CNTN4: variants seen among roughly 807,000 people sequenced by gnomAD.
CNTN4 encodes the protein contactin 4, also known as contactin-4.
In CNTN4, 77 loss-of-function variants were observed where a neutral mutation model predicts 122.5. The observed-to-expected ratio is 0.63, with a 90% CI of 0.52 to 0.76. CNTN4 has a LOEUF of 0.76. Among genes scored for constraint, CNTN4 ranks in the 30% least tolerant of loss-of-function variants. CNTN4 has a pLI of 0.00. For synonymous variants in CNTN4, 512 were observed against 447.0 expected, an observed-to-expected ratio of 1.15 and a Z score of -1.83; for missense variants, 1,256 against 1,259.1, an observed-to-expected ratio of 1.00 and a Z score of 0.04.
chr3:2,236,359 C>A (rs1233442020), intron 2 of CNTN4, among the ~76,000 whole-genome samples: 1 of 152,190 alleles, frequency 6.6e-6, no homozygotes, highest in Admixed American at 6.5e-5. Context: ...CCATTAGGTG[C>A]TCATTTAATG....
At position 2,564,578 on chromosome 3, in the gene CNTN4, A is replaced by G. The variant is rs185087529; in HGVS notation, c.-88-6838A>G. Reference sequence around the variant, plus strand: ...AAAGTTTCAAGAATCCTTAAAAACAATCTGGCCCAGTCCCGTCTTCTATTC... The same window carrying G: ...AAAGTTTCAAGAATCCTTAAAAACAGTCTGGCCCAGTCCCGTCTTCTATTC... On this transcript the variant is annotated intron_variant, in intron 3 of 24. Transcript: ENST00000418658. Among the ~76,000 whole-genome samples the G allele has an allele frequency of 8.5e-4, 130 of 152,288 alleles. 2 individuals carry two copies. Among genetic ancestry groups the G allele is most frequent in the African/African-American group, 2.6e-3 (110 of 41,584 alleles).
intron 12 of CNTN4, among the ~76,000 whole-genome samples, chr3:2,916,282 G>A (rs1225871076): frequency 6.6e-6 from 1 of 151,358 alleles, no homozygotes; most frequent in Non-Finnish European, 1.5e-5. Context: ...GGACAATAGT[G>A]GAGGGAAGGT....
At chr3:2,260,229 ATTGT>A (rs1010495381) in intron 2 of CNTN4, among the ~76,000 whole-genome samples, 79 of 152,074 alleles carry the variant, frequency 5.2e-4, no homozygotes, top group African/African-American at 1.6e-3. Context: ...GGGCCAGGTG[ATTGT>A]TTGTTGCAGG....
At position 2,655,477 on chromosome 3, in the gene CNTN4, G is replaced by A. The variant is rs142807086; in HGVS notation, c.56-80738G>A. 1.6e-4 allele frequency among the ~76,000 whole-genome samples: 25 copies of A among 152,146 alleles called. No individual in the cohort carries two copies. The East Asian group carries it at 4.2e-3, about 26-fold the overall frequency. On this transcript the variant is annotated intron_variant, in intron 4 of 24. Transcript: ENST00000418658. ...AAGTTGAATTAAGGGTCTTGATTTC[G>A]GTTTACTGTACTGCAGCATTATCTC...
At chr3:2,654,403 T>C (rs1215491400) in intron 4 of CNTN4, among the ~76,000 whole-genome samples, 2 of 152,230 alleles carry the variant, frequency 1.3e-5, no homozygotes, top group Admixed American at 1.3e-4. Context: ...ATACTGTTTG[T>C]AATCATGGGT....
At chr3:2,731,061 G>T (rs2088641091) in intron 4 of CNTN4, among the ~76,000 whole-genome samples, 1 of 151,060 alleles carries the variant, frequency 6.6e-6, no homozygotes, top group African/African-American at 2.4e-5. Context: ...TTACAGATGT[G>T]GTCATTTTTA....
intron 2 of CNTN4, among the ~76,000 whole-genome samples, chr3:2,139,073 G>A (rs1203952546): frequency 6.6e-6 from 1 of 152,152 alleles, no homozygotes; most frequent in African/African-American, 2.4e-5. Flanking sequence ...GGGGGAGCAT[G>A]TGGCCTTCTG....
chr3:2,807,148 T>A (rs1389837145), intron 6 of CNTN4, among the ~76,000 whole-genome samples: 3 of 152,172 alleles, frequency 2.0e-5, no homozygotes, highest in African/African-American at 7.2e-5. Flanking sequence ...AGGTACTGAA[T>A]GAATCTTCGT....
At chr3:2,952,993 G>T (rs1453781762) in intron 13 of CNTN4, among the ~76,000 whole-genome samples, 1 of 152,168 alleles carries the variant, frequency 6.6e-6, no homozygotes, top group African/African-American at 2.4e-5. Flanking sequence ...TTTTGCACTT[G>T]AAGGAACTAA....
chr3:2,752,338 A>G (rs2090135493), intron 6 of CNTN4, among the ~76,000 whole-genome samples: 2 of 152,098 alleles, frequency 1.3e-5, no homozygotes, highest in Admixed American at 1.3e-4. Context: ...TCTTCTGAAA[A>G]TTAGAGTAAA....
intron 14 of CNTN4, among the ~76,000 whole-genome samples, chr3:3,006,879 G>A (rs1296080941): frequency 6.6e-6 from 1 of 152,192 alleles, no homozygotes; most frequent in African/African-American, 2.4e-5. Flanking sequence ...AGCTCCTGGT[G>A]TTGAGTGTGT....
intron 6 of CNTN4, among the ~76,000 whole-genome samples, chr3:2,791,425 C>G (rs1483172128): frequency 2.0e-5 from 3 of 151,478 alleles, no homozygotes; most frequent in Non-Finnish European, 2.9e-5. Flanking sequence ...CCCAGCTACT[C>G]AGGAGGCTGA....
chr3:2,628,090 T>G (rs115305969), intron 4 of CNTN4, among the ~76,000 whole-genome samples: 3 of 152,330 alleles, frequency 2.0e-5, no homozygotes, highest in Admixed American at 6.5e-5. Context: ...TTTGGGCTAG[T>G]GAGTGCCTCC....
At chr3:2,419,288 A>G (rs1180289271) in intron 3 of CNTN4, among the ~76,000 whole-genome samples, 1 of 152,194 alleles carries the variant, frequency 6.6e-6, no homozygotes, top group African/African-American at 2.4e-5. Context: ...AGCTTTCTGT[A>G]TCTTAGAACA....
intron 2 of CNTN4, among the ~76,000 whole-genome samples, chr3:2,241,270 A>C (rs2039924399): frequency 6.6e-6 from 1 of 152,168 alleles, no homozygotes; most frequent in Admixed American, 6.5e-5. Flanking sequence ...TACTGTAGTA[A>C]ATTAATTTGT....
chr3:2,112,061 A>G (rs1574847915), intron 2 of CNTN4, among the ~76,000 whole-genome samples: 1 of 152,146 alleles, frequency 6.6e-6, no homozygotes, highest in Non-Finnish European at 1.5e-5. Flanking sequence ...GTTGACTATT[A>G]CTGCGAGCCA....
chr3:2,849,797 T>G (rs1054640331), intron 7 of CNTN4, among the ~76,000 whole-genome samples: 2 of 152,162 alleles, frequency 1.3e-5, no homozygotes, highest in Non-Finnish European at 2.9e-5. Flanking sequence ...TGTAAATGAA[T>G]CAGATAATGT....
In CNTN4 at chr3:3,057,447, A is replaced by G. The variant is rs1048798709; in HGVS notation, c.*1227A>G. On this transcript the variant is annotated 3_prime_UTR_variant, in exon 25 of 25. Coordinates refer to ENST00000418658, the MANE Select transcript of CNTN4 (RefSeq NM_175607.3). ...CACATTGGAAAATGACAATATCAAC[A>G]AAACTGTATTCTTATGAAAAGAACT... is the stretch of plus-strand genomic sequence containing the variant. The G allele has an allele frequency of 5.2e-5, 8 of 152,678 alleles. No individual in the cohort carries two copies. Among genetic ancestry groups the G allele is most frequent in the African/African-American group, 1.7e-4 (7 of 41,462 alleles). 9.5% of individuals were successfully genotyped at this position (152,678 alleles called of 1,614,324 possible).
At chr3:3,055,946 C>G (rs912435868) in intron 24 of CNTN4, among the ~76,000 whole-genome samples, 174 bp from the exon 25 acceptor site, 7 of 152,214 alleles carry the variant, frequency 4.6e-5, no homozygotes, top group Non-Finnish European at 1.0e-4. Context: ...CTATACCCTA[C>G]TCCCAGGTTT....
Sources: gnomAD v4.1 joint callset for allele counts (sites outside exome capture counted in the v4.1 genomes callset) on GRCh38, gnomAD v4.1.1 for gene constraint, MANE v1.5 for transcripts, NCBI Gene and HGNC (gene_info 2026-07-23, HGNC 2026-07-21) for gene names.